Variants in KIAA0408 observed in about 807,000 individuals in gnomAD.
KIAA0408 encodes uncharacterized protein KIAA0408.
A neutral mutation model predicts 60.9 loss-of-function variants in KIAA0408; 51 were observed. That is an observed-to-expected ratio of 0.84 (90% CI 0.67 to 1.06). KIAA0408 has a LOEUF of 1.06. Ranked by LOEUF, KIAA0408 falls within the 50% of genes least tolerant of loss-of-function variation. The pLI is 0.00. For missense variants in KIAA0408, 787 were observed against 833.9 expected, an observed-to-expected ratio of 0.94 and a Z score of 0.69; for synonymous variants, 304 against 282.4, an observed-to-expected ratio of 1.08 and a Z score of -0.77.
At chr6:127,456,231 C>A (rs1049474092) in intron 1 of KIAA0408, among the ~76,000 whole-genome samples, 1 of 152,142 alleles carries the variant, frequency 6.6e-6, no homozygotes, top group Non-Finnish European at 1.5e-5. Flanking sequence ...AAAAGAGGAG[C>A]TATGATAAAT....
intron 4 of KIAA0408, 134 bp from the exon 5 acceptor site, chr6:127,447,874 T>C: frequency 1.7e-6 from 2 of 1,178,694 alleles, no homozygotes; most frequent in Middle Eastern, 5.9e-4. Context: ...CATTTTTACA[T>C]AAATCTCCCA....
chr6:127,455,340 G>T (rs1451370883), intron 1 of KIAA0408, among the ~76,000 whole-genome samples: 1 of 152,072 alleles, frequency 6.6e-6, no homozygotes, highest in African/African-American at 2.4e-5. Context: ...TGGCACTGCC[G>T]AATTAAGGCC....
chr6:127,444,305 C>T lies in KIAA0408; in HGVS notation c.1912-23G>A, dbSNP rs1371185624. On this transcript the variant is annotated intron_variant, in intron 5 of 5. Coordinates refer to ENST00000483725, the MANE Select transcript of KIAA0408 (RefSeq NM_014702.5). ...TTCCTAGGACACAAGTAAAAACATT[C>T]CTCTCACTCTCTGGGTACCAACAAT... The T allele has an allele frequency of 3.3e-6, 5 of 1,515,872 alleles. No individual in the cohort carries two copies. The African/African-American group carries it at 4.2e-5, about 13-fold the overall frequency. 93.9% of individuals were successfully genotyped at this position (1,515,872 alleles called of 1,614,324 possible).
At chr6:127,456,731 T>C (rs1201464126) in intron 1 of KIAA0408, among the ~76,000 whole-genome samples, 1 of 151,928 alleles carries the variant, frequency 6.6e-6, no homozygotes, top group Non-Finnish European at 1.5e-5. Context: ...GTAAATATAA[T>C]GTTAGATGTA....
chr6:127,446,826 T>C lies in KIAA0408; in HGVS notation c.1493A>G (p.Asn498Ser), dbSNP rs1773206086. The change falls in exon 5 of 6, where the codon AAT (asparagine) becomes AGT (serine). Residue 498 changes from asparagine (N) to serine (S), a missense_variant. Physicochemically the swap from Asn to Ser is conservative, Grantham distance 46 (BLOSUM62 1). Transcript: ENST00000483725. ...SNDVSGIWKT[N>S]AHMPVPMENV... ...TTCCATGGGCACAGGCATGTGGGCA[T>C]TGGTTTTCCAAATACCGGACACATC... is the stretch of plus-strand genomic sequence containing the variant. 1 of 1,614,032 alleles carries C rather than the reference T, an allele frequency of 6.2e-7. No individual in the cohort carries two copies. Among genetic ancestry groups the C allele is most frequent in the Non-Finnish European group, 8.5e-7 (1 of 1,179,974 alleles).
At chr6:127,456,030 CTG>C (rs1205556965) in intron 1 of KIAA0408, among the ~76,000 whole-genome samples, 3 of 152,178 alleles carry the variant, frequency 2.0e-5, no homozygotes, top group Non-Finnish European at 4.4e-5. Context: ...CAGACAGTGC[CTG>C]TCTTGAAACT....
intron 1 of KIAA0408, among the ~76,000 whole-genome samples, chr6:127,456,531 A>G (rs1387755265): frequency 1.3e-5 from 2 of 152,102 alleles, no homozygotes; most frequent in Non-Finnish European, 2.9e-5. Context: ...AAAGAGCCAA[A>G]CTCATCCCTT....
Position 127,447,136 on chromosome 6 carries a change from G to C in KIAA0408, c.1183C>G (p.Pro395Ala). ...PSNPKYEMVI[P>A]DHPAKSHPDL... ...GGATGAGATTTAGCAGGGTGATCTG[G>C]GATCACCATTTCATATTTTGGATTA... The change falls in exon 5 of 6, where the codon CCA (proline) becomes GCA (alanine). Residue 395 changes from proline to alanine, a missense_variant. Physicochemically the swap from Pro to Ala is conservative, Grantham distance 27. This residue lies in a region of KIAA0408 where 640 missense variants were observed against 681.3 expected (regional missense o/e 0.94). Coordinates refer to ENST00000483725, the MANE Select transcript of KIAA0408 (RefSeq NM_014702.5). The C allele has an allele frequency of 6.2e-7, 1 of 1,613,788 alleles. No homozygotes were observed. The highest frequency in any genetic ancestry group is 8.5e-7 in the Non-Finnish European group (1 of 1,179,936).
rs1204525048 is a variant in KIAA0408 at position 127,446,417 on chromosome 6, C to A, written c.1902G>T (p.Lys634Asn). The part of the protein sequence containing the change: ...QEVKQGIDPK[K>N]ITEESMSVNA... ...ATATTTGCTTTCTCACCTCTGTTAT[C>A]TTTTTCGGATCTATTCCTTGCTTCA... The change falls in exon 5 of 6, where the codon AAG becomes AAT. Residue 634 changes from lysine (K) to asparagine (N), a missense_variant. Lys to Asn is a moderately conservative substitution (Grantham distance 94, BLOSUM62 0). Coordinates refer to ENST00000483725, the MANE Select transcript of KIAA0408 (RefSeq NM_014702.5). The A allele has an allele frequency of 6.2e-7, 1 of 1,605,036 alleles. No homozygotes were observed. Among genetic ancestry groups the A allele is most frequent in the Non-Finnish European group, 8.5e-7 (1 of 1,173,130 alleles).
chr6:127,450,363 A>C lies in KIAA0408; in HGVS notation c.136-11T>G. ...TACTTCCCGGCAAAGCTGTAAGAAAAACAAAACAAAATTAAAACTTCTTTT... is the reference window on the plus strand; with the variant it reads ...TACTTCCCGGCAAAGCTGTAAGAAACACAAAACAAAATTAAAACTTCTTTT... On this transcript the variant is annotated splice_polypyrimidine_tract_variant and intron_variant, in intron 2 of 5. Transcript: ENST00000483725. 1.3e-6 allele frequency: 2 copies of C among 1,565,930 alleles called. No homozygotes were observed. Among genetic ancestry groups the C allele is most frequent in the Non-Finnish European group, 8.6e-7 (1 of 1,164,820 alleles).
chr6:127,453,891 CCTTT>C lies in KIAA0408; in HGVS notation c.87_90del (p.Lys30AsnfsTer13). 6.2e-7 allele frequency: 1 copy of C among 1,612,896 alleles called. No individual in the cohort carries two copies. The highest frequency in any genetic ancestry group is 8.5e-7 in the Non-Finnish European group (1 of 1,179,198). On this transcript the variant is annotated frameshift_variant, in exon 2 of 6. Coordinates refer to ENST00000483725, the MANE Select transcript of KIAA0408 (RefSeq NM_014702.5). LOFTEE classifies it high-confidence loss of function. The stretch of plus-strand genomic sequence containing the variant: ...ATAATCTTCCATTGACTTTCCCATT[CCTTT>C]CTTTCATTGTCAAACTGGTCCAGTA...
chr6:127,454,553 CTTAA>C (rs1432178944), intron 1 of KIAA0408, among the ~76,000 whole-genome samples: 2 of 152,046 alleles, frequency 1.3e-5, no homozygotes, highest in Admixed American at 6.6e-5. Context: ...GGTTTGCAGT[CTTAA>C]TTCTATATTC....
rs749314261 is a variant in KIAA0408, at chr6:127,450,138, T to C, written c.350A>G (p.Gln117Arg). 2 of 1,614,122 alleles carry C rather than the reference T, an allele frequency of 1.2e-6. No individual in the cohort carries two copies. The highest frequency in any genetic ancestry group is 1.7e-6 in the Non-Finnish European group (2 of 1,179,988). ...REQSLVSGGN[Q>R]MCKEQKATKK... Reference sequence around the variant, plus strand: ...TGTTGCTTTTTGTTCCTTACACATTTGATTTCCTCCACTGACTAAGCTCTG... The same window carrying C: ...TGTTGCTTTTTGTTCCTTACACATTCGATTTCCTCCACTGACTAAGCTCTG... The change falls in exon 3 of 6, where the codon CAA (glutamine) becomes CGA (arginine). Residue 117 changes from glutamine (Q) to arginine (R), a missense_variant. Gln to Arg is a conservative substitution (Grantham distance 43). Around this residue, in one of 3 missense-constraint regions of KIAA0408, gnomAD observed 640 missense variants for 681.3 expected, o/e 0.94. Coordinates refer to ENST00000483725, the MANE Select transcript of KIAA0408 (RefSeq NM_014702.5).
intron 5 of KIAA0408, among the ~76,000 whole-genome samples, chr6:127,445,191 A>T (rs1773169988): frequency 6.6e-6 from 1 of 152,196 alleles, no homozygotes; most frequent in Non-Finnish European, 1.5e-5. Context: ...CAGGAGGAAG[A>T]ACAAAAAACA....
In KIAA0408 at chr6:127,447,711, AT is replaced by A; in HGVS notation, c.607del (p.Met203CysfsTer4). The A allele has an allele frequency of 6.4e-7, 1 of 1,560,936 alleles. No individual in the cohort carries two copies. Among genetic ancestry groups the A allele is most frequent in the East Asian group, 2.2e-5 (1 of 44,626 alleles). On this transcript the variant is annotated frameshift_variant, in exon 5 of 6. Coordinates refer to ENST00000483725, the MANE Select transcript of KIAA0408 (RefSeq NM_014702.5). LOFTEE classifies it high-confidence loss of function. ...RMKSDSFLQE[M>X]PNVTNIPHGD... ...ATGAGGTATATTAGTTACATTTGGC[AT>A]TTCCTGGAGAAAAGAATCTGACTTC... is the stretch of plus-strand genomic sequence containing the variant.
In KIAA0408 at chr6:127,450,203, C is replaced by T. The variant is rs1191680559; in HGVS notation, c.285G>A (p.Thr95=). The T allele has an allele frequency of 2.0e-5, 32 of 1,613,808 alleles. No homozygotes were observed. Among genetic ancestry groups the T allele is most frequent in the African/African-American group, 2.7e-5 (2 of 74,868 alleles). ...CTTTTCTCAGACCATCTTTGTGATT[C>T]GTCCTTATAAATTCACTTTGTCCTA... ...PDLGQSEFIR[T]NHKDGLRKEN... Residue 95 remains threonine, a synonymous_variant, in exon 3 of 6, where the codon ACG becomes ACA. Transcript: ENST00000483725.
intron 4 of KIAA0408, among the ~76,000 whole-genome samples, chr6:127,449,420 CA>C (rs1034824639): frequency 9.2e-5 from 14 of 152,006 alleles, no homozygotes; most frequent in African/African-American, 3.4e-4. Context: ...GAGGCTGAGG[CA>C]GGGGGATTAT....
intron 5 of KIAA0408, among the ~76,000 whole-genome samples, chr6:127,445,948 G>T (rs1406861824): frequency 1.3e-5 from 2 of 152,088 alleles, no homozygotes; most frequent in African/African-American, 4.8e-5. Flanking sequence ...ATATTAATGT[G>T]ATTAATCCTA....
intron 2 of KIAA0408, among the ~76,000 whole-genome samples, chr6:127,451,777 C>T (rs77273175): frequency 3.3e-5 from 5 of 152,124 alleles, no homozygotes; most frequent in East Asian, 1.9e-4. Context: ...TTATATCATA[C>T]CTAATTTTAT....
Sources: allele counts gnomAD v4.1 joint callset (sites outside exome capture counted in the v4.1 genomes callset), GRCh38; gene constraint gnomAD v4.1.1; regional missense constraint gnomAD v4.1.1; transcripts MANE v1.5; gene names NCBI Gene and HGNC (gene_info 2026-07-23, HGNC 2026-07-21).